NSD1: variants seen among roughly 807,000 people sequenced by gnomAD.
NSD1 encodes nuclear receptor binding SET domain protein 1.
A neutral mutation model predicts 242.7 loss-of-function variants in NSD1; 26 were observed. That is an observed-to-expected ratio of 0.11 (90% CI 0.08 to 0.15). NSD1 has a LOEUF of 0.15. NSD1 is among the 10% of genes least tolerant of loss of function. The pLI is 1.00. For missense variants in NSD1, 2,495 were observed against 3,272.8 expected (o/e 0.76, Z 5.80); for synonymous variants, 1,106 against 1,178.1 (o/e 0.94, Z 1.25).
chr5:177,247,958 A>G, intron 10 of NSD1: 2 of 985,478 alleles, frequency 2.0e-6, no homozygotes, highest in Non-Finnish European at 2.4e-6. Context: ...AGAAAGTTCC[A>G]GTGGAACAAA....
intron 20 of NSD1, among the ~76,000 whole-genome samples, chr5:177,285,406 A>T (rs1240471340): frequency 6.6e-6 from 1 of 151,792 alleles, no homozygotes; most frequent in Non-Finnish European, 1.5e-5. Flanking sequence ...TACTGAAAAT[A>T]CAAAAAAATT....
intron 13 of NSD1, 78 bp downstream of exon 13, chr5:177,257,229 T>TTTC: frequency 1.1e-5 from 2 of 188,484 alleles, no homozygotes; most frequent in Non-Finnish European, 8.7e-6. Context: ...TTTTTCTTTC[T>TTTC]TTTTTTTTTT....
intron 22 of NSD1, among the ~76,000 whole-genome samples, chr5:177,293,578 A>G (rs987766163): frequency 8.4e-5 from 12 of 142,426 alleles, no homozygotes; most frequent in South Asian, 4.6e-4. Flanking sequence ...AGAAATACCA[A>G]TTTACTCTTC....
chr5:177,187,100 CTTTTT>C (rs11285630), intron 2 of NSD1, among the ~76,000 whole-genome samples: 2 of 76,520 alleles, frequency 2.6e-5, no homozygotes, highest in Middle Eastern at 7.2e-3. Context: ...TGTGACTTAA[CTTTTT>C]TTTTTTTTTT....
intron 17 of NSD1, among the ~76,000 whole-genome samples, chr5:177,280,025 C>T (rs935382136): frequency 7.4e-5 from 10 of 135,492 alleles, no homozygotes; most frequent in African/African-American, 3.0e-4. Flanking sequence ...TTTTTGTGAC[C>T]GAGAGACCGA....
intron 3 of NSD1, among the ~76,000 whole-genome samples, chr5:177,193,148 A>G (rs1375325569): frequency 6.6e-6 from 1 of 151,704 alleles, no homozygotes; most frequent in Non-Finnish European, 1.5e-5. Context: ...TTTTTATTTT[A>G]TTTTATTTTA....
In NSD1 at chr5:177,286,218, A is replaced by C. The variant is rs772297112; in HGVS notation, c.6151+2290A>C. On this transcript the variant is annotated intron_variant, in intron 20 of 22. Coordinates refer to ENST00000439151, the MANE Select transcript of NSD1 (RefSeq NM_022455.5). ...ACACTCAGTGTACTTTTTTCTCTACAATTTAAATGTGTTGTCCAGGAGTCT... is the reference window on the plus strand; with the variant it reads ...ACACTCAGTGTACTTTTTTCTCTACCATTTAAATGTGTTGTCCAGGAGTCT... Among the ~76,000 whole-genome samples the C allele has an allele frequency of 3.8e-4, 58 of 152,170 alleles. 1 individual carries two copies. The highest frequency in any genetic ancestry group is 6.0e-4 in the Non-Finnish European group (41 of 68,030).
intron 2 of NSD1, among the ~76,000 whole-genome samples, chr5:177,183,747 G>C (rs1760883005): frequency 6.6e-6 from 1 of 151,930 alleles, no homozygotes; most frequent in African/African-American, 2.4e-5. Context: ...TGAATCATCT[G>C]TTCTTTTGTT....
intron 2 of NSD1, among the ~76,000 whole-genome samples, chr5:177,142,623 C>T (rs1469730199): frequency 1.3e-5 from 2 of 152,128 alleles, no homozygotes; most frequent in African/African-American, 4.8e-5. Flanking sequence ...GCTTATATGC[C>T]GTGCTGTATA....
chr5:177,134,744 C>T lies in NSD1; in HGVS notation c.-17-343C>T, dbSNP rs560739528. Among the ~76,000 whole-genome samples, 4 of 152,314 alleles carry T rather than the reference C, an allele frequency of 2.6e-5. No homozygotes were observed. The South Asian group carries it at 8.3e-4, about 32-fold the overall frequency. On this transcript the variant is annotated intron_variant, in intron 1 of 22. Coordinates refer to ENST00000439151, the MANE Select transcript of NSD1 (RefSeq NM_022455.5). The surrounding 1 kb of genome is among the most constrained non-coding windows in gnomAD (Gnocchi z 4.2). ...GCTTTTGAGAGATCCAGCTGCTCGA[C>T]CCCTGGCGAGGGAGGGGGAGGACTA...
At chr5:177,188,679 T>C (rs867920534) in intron 2 of NSD1, among the ~76,000 whole-genome samples, 2 of 152,298 alleles carry the variant, frequency 1.3e-5, no homozygotes, top group African/African-American at 2.4e-5. Flanking sequence ...TGTAATAGCA[T>C]AATTTTTTTT....
In NSD1 at chr5:177,234,857, G is replaced by A. The variant is rs534262755; in HGVS notation, c.3797-964G>A. On this transcript the variant is annotated intron_variant, in intron 5 of 22. Coordinates refer to ENST00000439151, the MANE Select transcript of NSD1 (RefSeq NM_022455.5). ...CTAGAGGACTTCCTGGTTCCTAATT[G>A]CTTCTGATGATGTTTCTTCTTACCT... Among the ~76,000 whole-genome samples, 3 of 152,208 alleles carry A rather than the reference G, an allele frequency of 2.0e-5. No homozygotes were observed. The East Asian group carries it at 5.8e-4, about 29-fold the overall frequency.
chr5:177,266,327 C>A (rs879042541), intron 14 of NSD1: 1 of 720,734 alleles, frequency 1.4e-6, no homozygotes, highest in Admixed American at 1.8e-5. Flanking sequence ...ATAATCAGAG[C>A]TACTGGAACA....
chr5:177,229,678 G>T, intron 5 of NSD1: 1 of 354,342 alleles, frequency 2.8e-6, no homozygotes, highest in Middle Eastern at 1.0e-3. Context: ...TAGGTAGGGA[G>T]TTGGGGTAGT....
chr5:177,210,624 C>A lies in NSD1; in HGVS notation c.2225C>A (p.Pro742His), dbSNP rs777960412. ...AAGGCATCTACTCTTGTTCACAAAC[C>A]CCAGTCAGATTTTACAAATGATGCT... ...DLKASTLVHK[P>H]QSDFTNDALS... The change falls in exon 5 of 23, where the codon CCC (proline) becomes CAC (histidine). Residue 742 changes from proline (P) to histidine (H), a missense_variant. By Grantham distance (77) the Pro-to-His change is moderately conservative. Coordinates refer to ENST00000439151, the MANE Select transcript of NSD1 (RefSeq NM_022455.5). The A allele has an allele frequency of 6.2e-7, 1 of 1,613,984 alleles. No homozygotes were observed. Among genetic ancestry groups the A allele is most frequent in the Admixed American group, 1.7e-5 (1 of 59,998 alleles).
chr5:177,139,324 C>T (rs1562104282), intron 2 of NSD1, among the ~76,000 whole-genome samples: 3 of 144,662 alleles, frequency 2.1e-5, no homozygotes, highest in African/African-American at 7.8e-5. Flanking sequence ...ATTAGCTGGG[C>T]GTGGTGGCAG....
At chr5:177,223,254 A>G (rs1764379684) in intron 5 of NSD1, among the ~76,000 whole-genome samples, 1 of 151,174 alleles carries the variant, frequency 6.6e-6, no homozygotes, top group African/African-American at 2.4e-5. Context: ...GCTAATTTTA[A>G]TTTTTTTAAG....
At chr5:177,250,252 G>T (rs193281283) in intron 11 of NSD1, among the ~76,000 whole-genome samples, 67 of 152,284 alleles carry the variant, frequency 4.4e-4, no homozygotes, top group Non-Finnish European at 1.9e-4. Flanking sequence ...CTCAAAAACA[G>T]TTATGCCCAT....
chr5:177,134,207 C>T lies in NSD1; in HGVS notation c.-18+255C>T, dbSNP rs1756103142. 3 of 151,054 alleles carry T rather than the reference C, an allele frequency of 2.0e-5. No homozygotes were observed. Among genetic ancestry groups the T allele is most frequent in the Non-Finnish European group, 3.0e-5 (2 of 67,674 alleles). 9.4% of individuals were successfully genotyped at this position (151,054 alleles called of 1,614,324 possible). A position where few individuals can be genotyped will look rare whatever the true frequency, so the allele number is the denominator to read the frequency against. On this transcript the variant is annotated intron_variant, in intron 1 of 22. Transcript: ENST00000439151. This position sits in a 1 kb window ranked among gnomAD's most constrained non-coding sequence, Gnocchi z 4.2. ...CCTCCCGGCGCGGCCCGTGCCCCGC[C>T]GGCCGCCTGCGAACACCTCGGCCTC...
Sources: allele counts gnomAD v4.1 joint callset (sites outside exome capture counted in the v4.1 genomes callset), GRCh38; gene constraint gnomAD v4.1.1; non-coding constraint Gnocchi (gnomAD v3.1); transcripts MANE v1.5; gene names NCBI Gene and HGNC (gene_info 2026-07-23, HGNC 2026-07-21).